Variants in ELAC2 observed in about 807,000 individuals in gnomAD.
ELAC2 encodes the protein zinc phosphodiesterase ELAC protein 2.
A neutral mutation model predicts 105.2 loss-of-function variants in ELAC2; 92 were observed. That is an observed-to-expected ratio of 0.87 (90% CI 0.74 to 1.04). The LOEUF (loss-of-function observed/expected upper bound fraction) is 1.04, where lower values mean the gene tolerates loss of function less well. ELAC2 is among the 50% of genes least tolerant of loss of function. The probability of loss-of-function intolerance (pLI) is 0.00; values close to 1 mark genes in which losing one functional copy is unlikely to be tolerated. For synonymous variants in ELAC2, 468 were observed against 409.1 expected (o/e 1.14, Z -1.74); for missense variants, 1,099 against 1,071.7 (o/e 1.03, Z -0.36).
Position 13,000,218 on chromosome 17 carries a change from G to C in ELAC2, c.1361C>G (p.Pro454Arg), listed in dbSNP as rs1203832410. ...CTCCTGCACGCTCTGCTGGAAGTTG[G>C]GAAGCTGCAGCGCCTCAACTATGAA... Reference protein sequence around the residue: ...EEFIVEALQLPNFQQSVQEYR... With the variant: ...EEFIVEALQLRNFQQSVQEYR... Residue 454 changes from proline to arginine, a missense_variant, in exon 15 of 24, where the codon CCC becomes CGC. Pro to Arg is a moderately radical substitution (Grantham distance 103). Transcript: ENST00000338034. 2 of 1,614,124 alleles carry C rather than the reference G, an allele frequency of 1.2e-6. No homozygotes were observed. Among genetic ancestry groups the C allele is most frequent in the East Asian group, 4.5e-5 (2 of 44,878 alleles).
At chr17:12,994,294 AG>A in intron 22 of ELAC2, 130 bp downstream of exon 22, 1 of 1,066,296 alleles carries the variant, frequency 9.4e-7, no homozygotes, top group South Asian at 1.3e-5. Flanking sequence ...CCACAGGTCA[AG>A]GAAGCCCCCA....
In ELAC2 at chr17:12,992,136, T is replaced by TTGATTGA. The variant is rs2040208578; in HGVS notation, c.*675_*681dup. Reference sequence around the variant, plus strand: ...GGCTCTCACTGATTGATTTGATTGATTGATTGATTGATTGATAGAGAAAGC... The same window carrying TTGATTGA: ...GGCTCTCACTGATTGATTTGATTGATTGATTGATGATTGATTGATTGATAGAGAAAGC... On this transcript the variant is annotated 3_prime_UTR_variant, in exon 24 of 24. Transcript: ENST00000338034. Among the ~76,000 whole-genome samples, 1 of 121,970 alleles carries TTGATTGA rather than the reference T, an allele frequency of 8.2e-6. No individual in the cohort carries two copies. Among genetic ancestry groups the TTGATTGA allele is most frequent in the African/African-American group, 2.6e-5 (1 of 38,316 alleles). 80.0% of individuals were successfully genotyped at this position (121,970 alleles called of 152,430 possible). A position where few individuals can be genotyped will look rare whatever the true frequency, so the allele number is the denominator to read the frequency against.
intron 15 of ELAC2, 76 bp downstream of exon 15, chr17:13,000,080 C>T (rs2040695598): frequency 1.4e-6 from 2 of 1,395,464 alleles, no homozygotes; most frequent in Non-Finnish European, 2.0e-6. Context: ...CCCACCAGCA[C>T]TCCACTTAAT....
chr17:13,005,374 T>C (rs1301962653), intron 10 of ELAC2, among the ~76,000 whole-genome samples: 1 of 152,202 alleles, frequency 6.6e-6, no homozygotes, highest in Non-Finnish European at 1.5e-5. Flanking sequence ...CCACTGGTCC[T>C]AATGTCCTCA....
At chr17:13,001,302 G>A (rs920169655) in intron 14 of ELAC2, among the ~76,000 whole-genome samples, 4 of 82,030 alleles carry the variant, frequency 4.9e-5, no homozygotes, top group African/African-American at 1.6e-4. Flanking sequence ...AGACCAGCCT[G>A]CCAACATGGT....
Position 12,992,747 on chromosome 17 carries a change from G to A in ELAC2, c.*71C>T. ...CGTGCTCTTCAGCTTCTACCAGCAA[G>A]GAGGGCAGATACGGGTGCGTGCGTG... is the stretch of plus-strand genomic sequence containing the variant. On this transcript the variant is annotated 3_prime_UTR_variant, in exon 24 of 24. Coordinates refer to ENST00000338034, the MANE Select transcript of ELAC2 (RefSeq NM_018127.7). 1 of 1,569,792 alleles carries A rather than the reference G, an allele frequency of 6.4e-7. No homozygotes were observed.
intron 8 of ELAC2, among the ~76,000 whole-genome samples, chr17:13,008,234 G>A (rs2041217295): frequency 6.6e-6 from 1 of 151,890 alleles, no homozygotes; most frequent in Admixed American, 6.6e-5. Context: ...CATAAAGGCT[G>A]GTCATGATGG....
At chr17:13,017,248 G>A (rs1242214716) in intron 1 of ELAC2, 127 bp from the exon 2 acceptor site, 1 of 1,030,376 alleles carries the variant, frequency 9.7e-7, no homozygotes, top group East Asian at 2.5e-5. Context: ...GTCCACGTTG[G>A]ACTACCGAGC....
chr17:13,017,060 G>C lies in ELAC2; in HGVS notation c.296+11C>G, dbSNP rs771953140. ...ATCAACTCCCCCTCCGAAAGCAAGAGACTGACTCACTTGTGCTCCTGCATG... is the reference window on the plus strand; with the variant it reads ...ATCAACTCCCCCTCCGAAAGCAAGACACTGACTCACTTGTGCTCCTGCATG... On this transcript the variant is annotated intron_variant, in intron 2 of 23. Coordinates refer to ENST00000338034, the MANE Select transcript of ELAC2 (RefSeq NM_018127.7). 1.2e-6 allele frequency: 2 copies of C among 1,614,030 alleles called. No individual in the cohort carries two copies. The highest frequency in any genetic ancestry group is 1.7e-6 in the Non-Finnish European group (2 of 1,179,974).
chr17:12,998,331 G>T, intron 16 of ELAC2, 81 bp downstream of exon 16: 3 of 1,339,598 alleles, frequency 2.2e-6, no homozygotes, highest in South Asian at 1.2e-5. Context: ...ATTTCAAATC[G>T]ACTGGTGAGT....
intron 7 of ELAC2, among the ~76,000 whole-genome samples, chr17:13,011,254 T>A (rs2041395033): frequency 6.6e-6 from 1 of 152,216 alleles, no homozygotes; most frequent in Non-Finnish European, 1.5e-5. Context: ...CAGTGGGCTG[T>A]CATTCTGGAA....
chr17:13,005,909 C>T lies in ELAC2; in HGVS notation c.797+12G>A. On this transcript the variant is annotated intron_variant, in intron 9 of 23. Transcript: ENST00000338034. ...CCAGTGAGTCCCCAGAAGCCTTACC[C>T]CCCACACTCACACTGGGAGGCCCAT... The T allele has an allele frequency of 6.2e-7, 1 of 1,614,146 alleles. No individual in the cohort carries two copies. The highest frequency in any genetic ancestry group is 8.5e-7 in the Non-Finnish European group (1 of 1,180,024).
intron 5 of ELAC2, 33 bp from the exon 6 acceptor site, chr17:13,013,308 G>GC (rs762296164): frequency 6.3e-7 from 1 of 1,591,432 alleles, no homozygotes; most frequent in East Asian, 2.2e-5. Flanking sequence ...CAAAGTGATT[G>GC]CATTAGTGAA....
At chr17:13,014,290 CAAAAAAAAAAAAA>C (rs959230890) in intron 5 of ELAC2, 136 bp downstream of exon 5, 2 of 372,548 alleles carry the variant, frequency 5.4e-6, no homozygotes, top group Non-Finnish European at 9.5e-6. Flanking sequence ...AGACTCTATC[CAAAAAAAAAAAAA>C]AAAAAAAAAA....
intron 21 of ELAC2, 25 bp downstream of exon 21, chr17:12,994,739 G>T: frequency 6.2e-7 from 1 of 1,613,668 alleles, no homozygotes; most frequent in Non-Finnish European, 8.5e-7. Flanking sequence ...CAACCTCAGG[G>T]TGGCTTGCTT....
intron 21 of ELAC2, 109 bp from the exon 22 acceptor site, chr17:12,994,612 T>G: frequency 6.3e-7 from 1 of 1,595,428 alleles, no homozygotes; most frequent in Non-Finnish European, 8.6e-7. Flanking sequence ...TGGCCCTGGG[T>G]CTGCCTACTA....
rs1167915044 is a variant in ELAC2 at position 12,995,713 on chromosome 17, G to A, written c.1798C>T (p.His600Tyr). Residue 600 changes from histidine to tyrosine, a missense_variant, in exon 19 of 24, where the codon CAC (histidine) becomes TAC (tyrosine). Transcript: ENST00000338034. Reference sequence around the variant, plus strand: ...GCCCTGGATGCTCACCTGATGTGGTGCAGGACCTCCTGGCACTGGTTGTGG... The same window carrying A: ...GCCCTGGATGCTCACCTGATGTGGTACAGGACCTCCTGGCACTGGTTGTGG... ...QYHNQCQEVL[H>Y]HISMIPAKCL... The A allele has an allele frequency of 1.7e-5, 27 of 1,610,820 alleles. No individual in the cohort carries two copies. The highest frequency in any genetic ancestry group is 2.7e-5 in the African/African-American group (2 of 74,856).
Position 13,005,053 on chromosome 17 carries a change from C to G in ELAC2, c.919G>C (p.Val307Leu), listed in dbSNP as rs1418168727. 2 of 1,614,212 alleles carry G rather than the reference C, an allele frequency of 1.2e-6. No homozygotes were observed. The highest frequency in any genetic ancestry group is 2.2e-5 in the South Asian group (2 of 91,090). The change falls in exon 11 of 24, where the codon GTG becomes CTG. Residue 307 changes from valine to leucine, a missense_variant. Physicochemically the swap from Val to Leu is conservative, Grantham distance 32. Transcript: ENST00000338034. ...CTPPDPGAAF[V>L]VVECPDESFI... Reference sequence around the variant, plus strand: ...CTTTCATCTGGACATTCTACCACCACAAAAGCAGCACCAGGATCTGGAGGA... The same window carrying G: ...CTTTCATCTGGACATTCTACCACCAGAAAAGCAGCACCAGGATCTGGAGGA...
intron 3 of ELAC2, 116 bp downstream of exon 3, chr17:13,016,746 A>AT: frequency 7.9e-6 from 1 of 127,322 alleles, no homozygotes; most frequent in Non-Finnish European, 1.4e-5. Flanking sequence ...CGCCACTGAC[A>AT]AAAAAAAAAA....
Sources: allele counts gnomAD v4.1 joint callset (sites outside exome capture counted in the v4.1 genomes callset), GRCh38; gene constraint gnomAD v4.1.1; transcripts MANE v1.5; gene names NCBI Gene and HGNC (gene_info 2026-07-23, HGNC 2026-07-21).